The following CNPPD1 variants were observed in gnomAD, a reference collection of about 807,000 sequenced individuals.
CNPPD1 encodes the protein cyclin Pas1/PHO80 domain containing 1.
In CNPPD1, 40 loss-of-function variants were observed where a neutral mutation model predicts 43.7. The ratio of observed to expected loss-of-function variants is 0.92; its 90% CI spans 0.71 to 1.19. The LOEUF is 1.19. Ranked by LOEUF, CNPPD1 falls within the 50% of genes most tolerant of loss-of-function variation. The pLI, the probability that CNPPD1 is intolerant of heterozygous loss-of-function variation, is 0.00. For missense variants in CNPPD1, 511 were observed against 518.5 expected (o/e 0.99, Z 0.14); for synonymous variants, 208 against 214.3 (o/e 0.97, Z 0.26).
chr2:219,174,705 G>A, intron 5 of CNPPD1, 73 bp downstream of exon 5: 2 of 1,512,082 alleles, frequency 1.3e-6, no homozygotes, highest in Non-Finnish European at 1.8e-6. Flanking sequence ...AGAAGACTGA[G>A]AGAGAACAAA....
In CNPPD1 at chr2:219,174,068, C is replaced by T. The variant is rs544417692; in HGVS notation, c.572+78G>A. The T allele has an allele frequency of 5.9e-6, 8 of 1,364,558 alleles. No individual in the cohort carries two copies. The East Asian group carries it at 1.8e-4, about 31-fold the overall frequency. 84.5% of individuals were successfully genotyped at this position (1,364,558 alleles called of 1,614,324 possible). A position where few individuals can be genotyped will look rare whatever the true frequency, so the allele number is the denominator to read the frequency against. On this transcript the variant is annotated intron_variant, in intron 6 of 7. Transcript: ENST00000360507. ...CTCCTCCCTCCCCCAGTTACACAGA[C>T]TCTCATCTCTAGCTCCTATGGCTGA... is the stretch of plus-strand genomic sequence containing the variant.
chr2:219,172,724 G>A lies in CNPPD1; in HGVS notation c.1095C>T (p.Ser365=). 1 of 1,613,716 alleles carries A rather than the reference G, an allele frequency of 6.2e-7. No individual in the cohort carries two copies. The highest frequency in any genetic ancestry group is 8.5e-7 in the Non-Finnish European group (1 of 1,179,790). The change falls in exon 8 of 8, where the codon AGC becomes AGT. Residue 365 remains serine, a synonymous_variant. Transcript: ENST00000360507. The stretch of plus-strand genomic sequence containing the variant: ...CCAGGCCATAGGTATGGTACCAGGG[G>A]CTGGACAGCGCAGTGGGGACTGTAC... ...PNRTVPTALS[S]PWYHTYGLAP...
rs1331101502 is a variant in CNPPD1 at position 219,176,332 on chromosome 2, C to G, written c.70-1G>C. ...TCAGCTTCTGGTGTCCTGGGAGGAACTGAAACAGGGCAGGGGCAGCGGAGG... is the reference window on the plus strand; with the variant it reads ...TCAGCTTCTGGTGTCCTGGGAGGAAGTGAAACAGGGCAGGGGCAGCGGAGG... On this transcript the variant is annotated splice_acceptor_variant, in intron 1 of 7. Coordinates refer to ENST00000360507, the MANE Select transcript of CNPPD1 (RefSeq NM_015680.6). LOFTEE classifies it high-confidence loss of function. 6.2e-7 allele frequency: 1 copy of G among 1,609,086 alleles called. No individual in the cohort carries two copies. Among genetic ancestry groups the G allele is most frequent in the South Asian group, 1.1e-5 (1 of 90,996 alleles).
intron 6 of CNPPD1, among the ~76,000 whole-genome samples, 176 bp from the exon 7 acceptor site, chr2:219,173,643 T>A (rs546975268): frequency 3.3e-4 from 50 of 152,290 alleles, no homozygotes; most frequent in Admixed American, 1.3e-3. Context: ...TTTTATTTAT[T>A]TTTATTTATT....
rs1183251576 is a variant in CNPPD1 at position 219,173,032 on chromosome 2, G to C, written c.787C>G (p.Pro263Ala). The C allele has an allele frequency of 1.2e-6, 2 of 1,613,322 alleles. No homozygotes were observed. The highest frequency in any genetic ancestry group is 2.2e-5 in the East Asian group (1 of 44,882). ...CCAAGGTCAGGCGGCCCAGGTGTAG[G>C]GATGCAGGACAGCCCCAAAGACTGA... ...IHQSLGLSCI[P>A]TPGPPDLGLT... Residue 263 changes from proline to alanine, a missense_variant, in exon 8 of 8, where the codon CCT becomes GCT. Physicochemically the swap from Pro to Ala is conservative, Grantham distance 27 (BLOSUM62 -1). Transcript: ENST00000360507.
At position 219,175,038 on chromosome 2, in the gene CNPPD1, G is replaced by A. The variant is rs774916203; in HGVS notation, c.331C>T (p.Pro111Ser). ...VYIERLRHRN[P>S]DYLQHVSSSD... The stretch of plus-strand genomic sequence containing the variant: ...GATGACACATGCTGCAAGTAGTCTG[G>A]GTTTCGGTGCCGGAGCCGTTCAATG... The change falls in exon 4 of 8, where the codon CCA becomes TCA. Residue 111 changes from proline (P) to serine (S), a missense_variant. Coordinates refer to ENST00000360507, the MANE Select transcript of CNPPD1 (RefSeq NM_015680.6). 1.2e-6 allele frequency: 2 copies of A among 1,613,986 alleles called. No homozygotes were observed. Among genetic ancestry groups the A allele is most frequent in the Non-Finnish European group, 1.7e-6 (2 of 1,180,020 alleles).
Position 219,176,787 on chromosome 2 carries a change from G to T in CNPPD1, c.42C>A (p.Phe14Leu), listed in dbSNP as rs901696539. The T allele has an allele frequency of 1.9e-6, 3 of 1,585,522 alleles. No homozygotes were observed. The highest frequency in any genetic ancestry group is 2.6e-6 in the Non-Finnish European group (3 of 1,166,604). Residue 14 changes from phenylalanine (F) to leucine (L), a missense_variant, in exon 1 of 8, where the codon TTC becomes TTA. Phe to Leu is a conservative substitution (Grantham distance 22). Transcript: ENST00000360507. ...TGAAGTCCTGGAAGCCGGCGAGGGA[G>T]AAGGTGCCTTCTTCGTCCAGCAGGA... ...TGLLLDEEGTFSLAGFQDFTF... is the reference protein window; with the variant it reads ...TGLLLDEEGTLSLAGFQDFTF...
intron 2 of CNPPD1, among the ~76,000 whole-genome samples, chr2:219,175,891 A>C (rs1950151181): frequency 6.6e-6 from 1 of 152,266 alleles, no homozygotes; most frequent in Admixed American, 6.5e-5. Flanking sequence ...TTGCCCTGTC[A>C]CATCAAACTA....
chr2:219,175,823 C>A, intron 2 of CNPPD1, 151 bp from the exon 3 acceptor site: 1 of 676,114 alleles, frequency 1.5e-6, no homozygotes, highest in Non-Finnish European at 2.6e-6. Flanking sequence ...TTCTCACACA[C>A]TGAGACAAAA....
chr2:219,176,992 G>T (rs1337739561), upstream of CNPPD1: 7 of 599,458 alleles, frequency 1.2e-5, no homozygotes, highest in Admixed American at 3.7e-5. Flanking sequence ...GCGGCGGAAG[G>T]CGGGGCCCGG....
At chr2:219,176,378 T>TG (rs2106389459) in intron 1 of CNPPD1, 47 bp from the exon 2 acceptor site, 1 of 1,381,588 alleles carries the variant, frequency 7.2e-7, no homozygotes, top group Non-Finnish European at 1.0e-6. Context: ...CGGAAAGGTA[T>TG]GATGCAGATC....
rs368784782 is a variant in CNPPD1 at position 219,175,494 on chromosome 2, CAAAAAAAA to C, written c.260+89_260+96del. On this transcript the variant is annotated intron_variant, in intron 3 of 7. Transcript: ENST00000360507. ...CCTGGGTGACAAAGTGAGACTGTCT[CAAAAAAAA>C]AAAAAAGAAAGAAAGAAAAGAAAGA... 3.2e-6 allele frequency: 3 copies of C among 949,420 alleles called. No homozygotes were observed. The Admixed American group carries it at 7.6e-5, about 24-fold the overall frequency. The allele number at this position is 949,420 out of a possible 1,614,324, so 58.8% of individuals were successfully genotyped here.
rs1478329047 is a variant in CNPPD1, at chr2:219,175,674, T to C, written c.179-2A>G. The C allele has an allele frequency of 6.2e-7, 1 of 1,613,794 alleles. No homozygotes were observed. The highest frequency in any genetic ancestry group is 1.7e-5 in the Admixed American group (1 of 60,004). Reference sequence around the variant, plus strand: ...TCTGGAGCAGTTCGACAGCAATGTCTGCAAGGGACAGAAGGAAGGCCGAGT... The same window carrying C: ...TCTGGAGCAGTTCGACAGCAATGTCCGCAAGGGACAGAAGGAAGGCCGAGT... On this transcript the variant is annotated splice_acceptor_variant, in intron 2 of 7. Coordinates refer to ENST00000360507, the MANE Select transcript of CNPPD1 (RefSeq NM_015680.6). LOFTEE classifies it high-confidence loss of function.
At chr2:219,174,087 T>C (rs895474831) in intron 6 of CNPPD1, 59 bp downstream of exon 6, 6 of 1,475,664 alleles carry the variant, frequency 4.1e-6, no homozygotes, top group Admixed American at 1.7e-5. Flanking sequence ...CTAGCTCCTA[T>C]GGCTGAGGAC....
At chr2:219,176,381 T>C (rs1231102852) in intron 1 of CNPPD1, 50 bp from the exon 2 acceptor site, 1 of 1,364,208 alleles carries the variant, frequency 7.3e-7, no homozygotes, top group East Asian at 2.3e-5. Context: ...AAAGGTATGA[T>C]GCAGATCCTG....
chr2:219,176,724 C>T (rs990190962), intron 1 of CNPPD1, 36 bp downstream of exon 1: 1 of 1,405,108 alleles, frequency 7.1e-7, no homozygotes, highest in South Asian at 1.2e-5. Flanking sequence ...GAGGGGCGCG[C>T]CGGGAGGCCG....
chr2:219,176,926 G>C, upstream of CNPPD1: 1 of 1,063,158 alleles, frequency 9.4e-7, no homozygotes, highest in Non-Finnish European at 1.3e-6. Context: ...CTGCCAGCCT[G>C]CCTCCCCGGG....
rs1183584791 is a variant in CNPPD1, at chr2:219,173,347, C to T, written c.690+3G>A. 1 of 1,612,244 alleles carries T rather than the reference C, an allele frequency of 6.2e-7. No individual in the cohort carries two copies. ...CTCCCTATCCTTCCGAGCCCCTCCTCACCTTTACCAGCCGCTGGCAGAGGG... is the reference window on the plus strand; with the variant it reads ...CTCCCTATCCTTCCGAGCCCCTCCTTACCTTTACCAGCCGCTGGCAGAGGG... On this transcript the variant is annotated splice_donor_region_variant and intron_variant, in intron 7 of 7. Coordinates refer to ENST00000360507, the MANE Select transcript of CNPPD1 (RefSeq NM_015680.6).
Position 219,172,912 on chromosome 2 carries a change from T to A in CNPPD1, c.907A>T (p.Met303Leu), listed in dbSNP as rs767977211. The A allele has an allele frequency of 1.9e-6, 3 of 1,612,174 alleles. No individual in the cohort carries two copies. The South Asian group carries it at 3.3e-5, about 18-fold the overall frequency. ...ANVSSCLEGS[M>L]GLRSLWGSLL... ...CTGCCCCAGAGTGACCGCAGCCCCA[T>A]GCTGCCTTCCAGGCAGCTGGAGACA... The change falls in exon 8 of 8, where the codon ATG becomes TTG. Residue 303 changes from methionine to leucine, a missense_variant. Met to Leu is a conservative substitution (Grantham distance 15, BLOSUM62 2). Coordinates refer to ENST00000360507, the MANE Select transcript of CNPPD1 (RefSeq NM_015680.6).
Sources: allele counts gnomAD v4.1 joint callset (sites outside exome capture counted in the v4.1 genomes callset), GRCh38; gene constraint gnomAD v4.1.1; transcripts MANE v1.5; gene names NCBI Gene and HGNC (gene_info 2026-07-23, HGNC 2026-07-21).